The following FAM76A variants were observed in gnomAD, a reference collection of about 807,000 sequenced individuals.
The protein encoded by FAM76A is family with sequence similarity 76 member A.
In FAM76A, 32 loss-of-function variants were observed where a neutral mutation model predicts 46.2. That is an observed-to-expected ratio of 0.69 (90% CI 0.52 to 0.93). The LOEUF (loss-of-function observed/expected upper bound fraction) is 0.93, where lower values mean the gene tolerates loss of function less well. FAM76A is among the 40% of genes least tolerant of loss of function. The pLI is 0.00. For synonymous variants in FAM76A, 137 were observed against 127.0 expected, an observed-to-expected ratio of 1.08 and a Z score of -0.53; for missense variants, 274 against 361.5, an observed-to-expected ratio of 0.76 and a Z score of 1.96.
chr1:27,749,248 T>TG, intron 6 of FAM76A, 94 bp downstream of exon 6: 1 of 727,264 alleles, frequency 1.4e-6, no homozygotes, highest in Non-Finnish European at 2.2e-6. Flanking sequence ...GGAATTAGTC[T>TG]GTGGCTGTCA....
chr1:27,730,785 G>A (rs2087943826), intron 2 of FAM76A, among the ~76,000 whole-genome samples: 1 of 152,030 alleles, frequency 6.6e-6, no homozygotes, highest in Non-Finnish European at 1.5e-5. Flanking sequence ...GGAATTATAT[G>A]GGAAAATGAT....
Position 27,734,021 on chromosome 1 carries a change from C to T in FAM76A, c.202-10C>T. 2.5e-6 allele frequency: 4 copies of T among 1,592,856 alleles called. No homozygotes were observed. The highest frequency in any genetic ancestry group is 1.9e-5 in the Admixed American group (1 of 52,784). ...GTAATACTTACTTGACTCTTTTTTC[C>T]CCTTTTAAGCCCAAACCTTGTCAGT... On this transcript the variant is annotated splice_polypyrimidine_tract_variant and intron_variant, in intron 3 of 8. Transcript: ENST00000373954.
chr1:27,736,176 A>C (rs933507465), intron 4 of FAM76A, among the ~76,000 whole-genome samples: 3 of 151,938 alleles, frequency 2.0e-5, no homozygotes, highest in African/African-American at 7.3e-5. Context: ...AAAAAAATTA[A>C]CCGGGCGTGG....
intron 4 of FAM76A, among the ~76,000 whole-genome samples, chr1:27,735,038 G>A (rs560577785): frequency 7.2e-5 from 11 of 152,328 alleles, no homozygotes; most frequent in East Asian, 1.9e-4. Flanking sequence ...AGGCCCATGC[G>A]CAGCTCTCAG....
intron 1 of FAM76A, among the ~76,000 whole-genome samples, chr1:27,726,390 T>A (rs1221395646): frequency 1.3e-5 from 2 of 152,080 alleles, no homozygotes; most frequent in East Asian, 1.9e-4. Flanking sequence ...CCGTGGGGAT[T>A]GTTCTCGGAC....
rs983120897 is a variant in FAM76A, at chr1:27,750,377, C to T, written c.599+1223C>T. ...TAGTCAGATTACATGGGGGGAGGAA[C>T]CATAAAGATCATCTTTCTGGCCAGC... On this transcript the variant is annotated intron_variant, in intron 6 of 8. Transcript: ENST00000373954. Among the ~76,000 whole-genome samples the T allele has an allele frequency of 2.0e-5, 3 of 152,200 alleles. 1 individual carries two copies. The highest frequency in any genetic ancestry group is 7.2e-5 in the African/African-American group (3 of 41,450).
At chr1:27,750,802 T>G (rs1366721497) in intron 6 of FAM76A, among the ~76,000 whole-genome samples, 1 of 152,234 alleles carries the variant, frequency 6.6e-6, no homozygotes, top group African/African-American at 2.4e-5. Flanking sequence ...AGCAATGCTG[T>G]TTTCCTCAAG....
chr1:27,748,614 T>C (rs1288194374), intron 5 of FAM76A, among the ~76,000 whole-genome samples: 2 of 151,416 alleles, frequency 1.3e-5, no homozygotes, highest in African/African-American at 4.9e-5. Context: ...CCTGCGTAGC[T>C]GGGACTACAG....
At chr1:27,755,750 T>C (rs2088400312) in intron 7 of FAM76A, among the ~76,000 whole-genome samples, 1 of 152,088 alleles carries the variant, frequency 6.6e-6, no homozygotes, top group Non-Finnish European at 1.5e-5. Context: ...ATTTTTAAAA[T>C]TTTTTGTAGA....
rs551918503 is a variant in FAM76A, at chr1:27,761,386, G to A, written c.*805G>A. The A allele has an allele frequency of 2.6e-5, 4 of 152,686 alleles. No individual in the cohort carries two copies. Among genetic ancestry groups the A allele is most frequent in the African/African-American group, 9.6e-5 (4 of 41,560 alleles). 9.5% of individuals were successfully genotyped at this position (152,686 alleles called of 1,614,324 possible). ...ATTCAATGCATAAGTATGGAGCTAA[G>A]TGCCTTTTGGAGGATTTCTTGGAAG... On this transcript the variant is annotated 3_prime_UTR_variant, in exon 9 of 9. Transcript: ENST00000373954.
At chr1:27,743,763 T>TG (rs1298682924) in intron 4 of FAM76A, among the ~76,000 whole-genome samples, 5 of 149,914 alleles carry the variant, frequency 3.3e-5, no homozygotes, top group South Asian at 4.2e-4. Flanking sequence ...AGACCCTGTT[T>TG]GGGGAAAAAA....
rs1375295300 is a variant in FAM76A, at chr1:27,761,058, C to A, written c.*477C>A. 1.3e-5 allele frequency: 2 copies of A among 149,218 alleles called. No individual in the cohort carries two copies. The highest frequency in any genetic ancestry group is 4.0e-4 in the East Asian group (2 of 5,000). The allele number at this position is 149,218 out of a possible 1,614,324, so 9.2% of individuals were successfully genotyped here. A position where few individuals can be genotyped will look rare whatever the true frequency, so the allele number is the denominator to read the frequency against. Reference sequence around the variant, plus strand: ...TCTGAACTTTGAAAACTGCCATCTTCAGACTTGGTATAATGGAAGAGGCTT... The same window carrying A: ...TCTGAACTTTGAAAACTGCCATCTTAAGACTTGGTATAATGGAAGAGGCTT... On this transcript the variant is annotated 3_prime_UTR_variant, in exon 9 of 9. Coordinates refer to ENST00000373954, the MANE Select transcript of FAM76A (RefSeq NM_152660.3).
intron 4 of FAM76A, chr1:27,739,525 A>T: frequency 5.8e-6 from 2 of 347,450 alleles, no homozygotes; most frequent in South Asian, 2.3e-5. Context: ...GGTGGCTCAC[A>T]CCTGTAATCG....
At chr1:27,727,200 T>C (rs1275687998) in intron 1 of FAM76A, among the ~76,000 whole-genome samples, 1 of 152,230 alleles carries the variant, frequency 6.6e-6, no homozygotes, top group Non-Finnish European at 1.5e-5. Flanking sequence ...ATTCAGGGCT[T>C]CTGATTCCCA....
In FAM76A at chr1:27,755,208, C is replaced by G. The variant is rs959438189; in HGVS notation, c.613C>G (p.Leu205Val). The change falls in exon 7 of 9, where the codon CTG (leucine) becomes GTG (valine). Residue 205 changes from leucine to valine, a missense_variant. Transcript: ENST00000373954. ...TTTTAAATTTAGCTTCTCCCCAGAC[C>G]TGGCTCTGGACTCACCAGGCACTGA... ...TTNGDSFSPD[L>V]ALDSPGTDHF... The G allele has an allele frequency of 1.9e-6, 3 of 1,614,016 alleles. No individual in the cohort carries two copies. The highest frequency in any genetic ancestry group is 2.5e-6 in the Non-Finnish European group (3 of 1,180,024).
At chr1:27,728,599 C>G (rs1299483461) in intron 2 of FAM76A, among the ~76,000 whole-genome samples, 2 of 152,104 alleles carry the variant, frequency 1.3e-5, no homozygotes, top group Non-Finnish European at 2.9e-5. Context: ...TGATTCCTTC[C>G]TCGTTAGCCT....
intron 7 of FAM76A, among the ~76,000 whole-genome samples, chr1:27,756,807 C>A (rs2088416969): frequency 2.0e-5 from 3 of 152,028 alleles, no homozygotes; most frequent in Admixed American, 2.0e-4. Context: ...CACCTGTAAT[C>A]CCAACACTTT....
At chr1:27,740,725 C>T (rs2088137108) in intron 4 of FAM76A, 1 of 426,138 alleles carries the variant, frequency 2.3e-6, no homozygotes, top group Admixed American at 3.8e-5. Context: ...TGAGGCAATA[C>T]TGCTTTTCTG....
intron 8 of FAM76A, 150 bp downstream of exon 8, chr1:27,759,777 TTG>T: frequency 1.6e-6 from 1 of 613,368 alleles, no homozygotes; most frequent in Non-Finnish European, 2.7e-6. Flanking sequence ...TTTTTTTTTT[TTG>T]TTTTTTTTTT....
Sources: gnomAD v4.1 joint callset for allele counts (sites outside exome capture counted in the v4.1 genomes callset) on GRCh38, gnomAD v4.1.1 for gene constraint, MANE v1.5 for transcripts, NCBI Gene and HGNC (gene_info 2026-07-23, HGNC 2026-07-21) for gene names.